Variants in RANBP2 observed in about 807,000 individuals in gnomAD.
RANBP2 encodes E3 SUMO-protein ligase RanBP2.
RANBP2 carries 57 observed loss-of-function variants against 303.6 expected under a neutral mutation model. That is an observed-to-expected ratio of 0.19 (90% confidence interval 0.15 to 0.23). The LOEUF is 0.23. RANBP2 is among the 10% of genes least tolerant of loss of function. The pLI is 1.00. For synonymous variants in RANBP2, 1,167 were observed against 1,301.5 expected (o/e 0.90, Z 2.23); for missense variants, 3,138 against 3,780.8 (o/e 0.83, Z 4.46).
At chr2:109,706,797 A>G in the RANBP2 span, among the ~76,000 whole-genome samples, 18 of 152,356 alleles carry the variant, frequency 1.2e-4, no homozygotes, top group Admixed American at 1.1e-3. Context: ...TACTTCAGAT[A>G]CAAGGATGGA....
At chr2:109,199,393 T>TCAACCCGA in the RANBP2 span, among the ~76,000 whole-genome samples, 1 of 14,230 alleles carries the variant, frequency 7.0e-5, no homozygotes, top group Non-Finnish European at 2.3e-4. Flanking sequence ...TGGAATGGAA[T>TCAACCCGA]GGAATGGAAT....
chr2:109,484,092 G>A, the RANBP2 span, among the ~76,000 whole-genome samples: 9 of 138,842 alleles, frequency 6.5e-5, no homozygotes, highest in South Asian at 2.3e-4. Flanking sequence ...TTTTGAGACC[G>A]AGTCTCGCTC....
the RANBP2 span, among the ~76,000 whole-genome samples, chr2:109,006,436 C>T: frequency 1.3e-5 from 2 of 152,050 alleles, no homozygotes; most frequent in Admixed American, 6.6e-5. Context: ...CCTCATGATC[C>T]GCCCGCCTCG....
At chr2:109,269,202 G>A in the RANBP2 span, among the ~76,000 whole-genome samples, 5 of 152,276 alleles carry the variant, frequency 3.3e-5, no homozygotes, top group East Asian at 3.9e-4. Context: ...TCCAACCTTC[G>A]CCCTGGGAGC....
chr2:109,633,415 A>AAAAC, the RANBP2 span, among the ~76,000 whole-genome samples: 2,607 of 152,036 alleles, frequency 0.017, 89 homozygotes, highest in African/African-American at 0.058. Flanking sequence ...AAAACAAAAC[A>AAAAC]AAACAAAACA....
At chr2:108,862,205 A>AG in the RANBP2 span, among the ~76,000 whole-genome samples, 1 of 151,996 alleles carries the variant, frequency 6.6e-6, no homozygotes, top group Non-Finnish European at 1.5e-5. Context: ...TAAAAAAAAA[A>AG]CAAAACAGGA....
At chr2:109,095,039 A>G in the RANBP2 span, among the ~76,000 whole-genome samples, 2 of 152,264 alleles carry the variant, frequency 1.3e-5, no homozygotes, top group Non-Finnish European at 2.9e-5. Context: ...AATTAAGGTC[A>G]GATATCAGAT....
chr2:108,999,608 A>G, the RANBP2 span, among the ~76,000 whole-genome samples: 2 of 152,170 alleles, frequency 1.3e-5, no homozygotes, highest in African/African-American at 4.8e-5. Context: ...GCGACGCCAC[A>G]TGGAGATTCC....
chr2:109,452,716 C>T, the RANBP2 span, among the ~76,000 whole-genome samples: 1 of 152,162 alleles, frequency 6.6e-6, no homozygotes, highest in African/African-American at 2.4e-5. Flanking sequence ...GAGGCTGGTT[C>T]CCGGGAGGCT....
the RANBP2 span, among the ~76,000 whole-genome samples, chr2:109,471,549 C>G: frequency 6.6e-6 from 1 of 152,148 alleles, no homozygotes; most frequent in Non-Finnish European, 1.5e-5. Context: ...TGAGTGGGGA[C>G]ACAGAGCCAA....
At chr2:109,556,607 C>T in the RANBP2 span, among the ~76,000 whole-genome samples, 1 of 152,100 alleles carries the variant, frequency 6.6e-6, no homozygotes. Context: ...ATGTCTCACA[C>T]CCCAAGGAGG....
the RANBP2 span, among the ~76,000 whole-genome samples, chr2:108,927,137 G>A: frequency 1.3e-5 from 2 of 152,206 alleles, no homozygotes; most frequent in African/African-American, 2.4e-5. Context: ...TGTCCCCATC[G>A]TCTGCACCCC....
At chr2:108,939,884 G>C in the RANBP2 span, among the ~76,000 whole-genome samples, 1 of 152,200 alleles carries the variant, frequency 6.6e-6, no homozygotes, top group Non-Finnish European at 1.5e-5. Context: ...GACTCCACTA[G>C]AGAACAGAAA....
chr2:108,788,105 G>C, downstream of RANBP2: 2 of 1,600,742 alleles, frequency 1.2e-6, no homozygotes, highest in South Asian at 2.2e-5. Flanking sequence ...CCGGTATTTT[G>C]TATATTTGGG....
At chr2:109,587,586 G>A in the RANBP2 span, among the ~76,000 whole-genome samples, 1 of 152,034 alleles carries the variant, frequency 6.6e-6, no homozygotes, top group East Asian at 1.9e-4. Context: ...TCACATCTAG[G>A]GACATCACAG....
intron 7 of RANBP2, among the ~76,000 whole-genome samples, chr2:108,744,647 A>T (rs1461709838): frequency 6.6e-6 from 1 of 152,238 alleles, no homozygotes; most frequent in African/African-American, 2.4e-5. Flanking sequence ...GAGTAAAAGG[A>T]TAGGCAATAT....
the RANBP2 span, among the ~76,000 whole-genome samples, chr2:108,800,320 A>G: frequency 5.9e-5 from 9 of 152,192 alleles, no homozygotes; most frequent in Admixed American, 2.0e-4. Flanking sequence ...GCTGGAGTAC[A>G]GTGGCACGAT....
the RANBP2 span, among the ~76,000 whole-genome samples, chr2:108,962,415 T>C: frequency 2.6e-5 from 4 of 152,098 alleles, no homozygotes; most frequent in Non-Finnish European, 5.9e-5. Flanking sequence ...GGCTCACGCC[T>C]GTAATCCCAG....
chr2:108,816,651 A>G, the RANBP2 span, among the ~76,000 whole-genome samples: 1 of 152,106 alleles, frequency 6.6e-6, no homozygotes, highest in African/African-American at 2.4e-5. Flanking sequence ...TGGATGAATT[A>G]ATGCTTTCAT....
Sources: allele counts gnomAD v4.1 joint callset (sites outside exome capture counted in the v4.1 genomes callset), GRCh38; gene constraint gnomAD v4.1.1; transcripts MANE v1.5; gene names NCBI Gene and HGNC (gene_info 2026-07-23, HGNC 2026-07-21).